Variants in FBXL20 observed in about 807,000 individuals in gnomAD.
FBXL20 encodes the protein F-box and leucine rich repeat protein 20, also known as F-box/LRR-repeat protein 20.
Under a neutral mutation model 64.0 loss-of-function variants are expected in FBXL20, and 11 were observed. That is an observed-to-expected ratio of 0.17 (90% CI 0.11 to 0.28). The LOEUF is 0.28. FBXL20 is among the 10% of genes least tolerant of loss of function. FBXL20 has a pLI of 1.00. For missense variants in FBXL20, 303 were observed against 526.2 expected (o/e 0.58, Z 4.15); for synonymous variants, 184 against 189.0 (o/e 0.97, Z 0.22).
intron 1 of FBXL20, among the ~76,000 whole-genome samples, chr17:39,352,935 A>G (rs1193094560): frequency 2.6e-5 from 4 of 152,140 alleles, no homozygotes; most frequent in African/African-American, 9.7e-5. Flanking sequence ...GTTGTAAGAA[A>G]AAGTGCCATG....
At chr17:39,378,158 T>C (rs1240134333) in intron 1 of FBXL20, among the ~76,000 whole-genome samples, 1 of 152,228 alleles carries the variant, frequency 6.6e-6, no homozygotes, top group Non-Finnish European at 1.5e-5. Flanking sequence ...GGGAATTGAA[T>C]GTGATTTCCA....
Position 39,287,078 on chromosome 17 carries a change from A to G in FBXL20, c.399-1505T>C, listed in dbSNP as rs1597776189. Among the ~76,000 whole-genome samples the G allele has an allele frequency of 2.0e-5, 3 of 151,346 alleles. No individual in the cohort carries two copies. In the South Asian group the frequency reaches 6.3e-4, roughly 32 times the overall value. ...CAGGCGCCTGCCACCATGCCCAGCT[A>G]ATTTTTCTATTTTTAGTAGAGACGG... is the stretch of plus-strand genomic sequence containing the variant. On this transcript the variant is annotated intron_variant, in intron 6 of 14. Coordinates refer to ENST00000264658, the MANE Select transcript of FBXL20 (RefSeq NM_032875.3).
intron 5 of FBXL20, among the ~76,000 whole-genome samples, chr17:39,297,675 C>T (rs969707363): frequency 1.3e-5 from 2 of 152,070 alleles, no homozygotes; most frequent in Non-Finnish European, 1.5e-5. Flanking sequence ...TACACCTCTT[C>T]ATATTCCTTC....
At position 39,297,981 on chromosome 17, in the gene FBXL20, C is replaced by T. The variant is rs373778683; in HGVS notation, c.330-786G>A. ...TGAACGCCTGACCTCAAGTGATCCA[C>T]CCACATCAGCCTTTCAAAGTGCTGA... On this transcript the variant is annotated intron_variant, in intron 5 of 14. Transcript: ENST00000264658. 5.9e-5 allele frequency among the ~76,000 whole-genome samples: 9 copies of T among 152,260 alleles called. No individual in the cohort carries two copies. The East Asian group carries it at 1.2e-3, about 20-fold the overall frequency.
intron 1 of FBXL20, among the ~76,000 whole-genome samples, chr17:39,387,051 G>A (rs912346186): frequency 6.6e-6 from 1 of 152,096 alleles, no homozygotes; most frequent in Non-Finnish European, 1.5e-5. Flanking sequence ...ACGTTACAAT[G>A]GTGTACACGT....
At chr17:39,332,892 C>A (rs1439038804) in intron 2 of FBXL20, among the ~76,000 whole-genome samples, 2 of 152,064 alleles carry the variant, frequency 1.3e-5, no homozygotes, top group Admixed American at 6.6e-5. Context: ...CATGATGAGT[C>A]CTGTGGATCC....
intron 1 of FBXL20, among the ~76,000 whole-genome samples, chr17:39,358,713 A>G (rs1052501261): frequency 6.6e-6 from 1 of 151,888 alleles, no homozygotes. Context: ...AAAACAAACA[A>G]AAAAAACACC....
In FBXL20 at chr17:39,265,193, T is replaced by C. The variant is rs894938003; in HGVS notation, c.990+204A>G. 2.6e-4 allele frequency among the ~76,000 whole-genome samples: 39 copies of C among 152,172 alleles called. 1 individual carries two copies. Among genetic ancestry groups the C allele is most frequent in the African/African-American group, 8.7e-4 (36 of 41,422 alleles). ...AAGGCAGTTTTCAGTCTTCAAGCAT[T>C]GATATAGAAAACATTTAACTTTTTC... is the stretch of plus-strand genomic sequence containing the variant. On this transcript the variant is annotated intron_variant, in intron 13 of 14. Coordinates refer to ENST00000264658, the MANE Select transcript of FBXL20 (RefSeq NM_032875.3).
At chr17:39,358,462 C>T (rs1486581272) in intron 1 of FBXL20, among the ~76,000 whole-genome samples, 1 of 152,140 alleles carries the variant, frequency 6.6e-6, no homozygotes, top group East Asian at 1.9e-4. Context: ...GTGGGTGGAT[C>T]ACTTGAAGTT....
chr17:39,262,925 C>T (rs1422322546), intron 14 of FBXL20, among the ~76,000 whole-genome samples: 2 of 151,832 alleles, frequency 1.3e-5, no homozygotes, highest in Non-Finnish European at 2.9e-5. Context: ...TAGCGTGAAC[C>T]TGGGAGGCAG....
chr17:39,298,796 GT>G (rs1191981215), intron 5 of FBXL20, among the ~76,000 whole-genome samples, 193 bp downstream of exon 5: 2 of 151,968 alleles, frequency 1.3e-5, no homozygotes, highest in African/African-American at 4.8e-5. Context: ...GGGAATCTGG[GT>G]TTTTTTCAGG....
intron 1 of FBXL20, among the ~76,000 whole-genome samples, chr17:39,385,058 C>G (rs914373698): frequency 1.3e-5 from 2 of 152,236 alleles, no homozygotes; most frequent in East Asian, 1.9e-4. Flanking sequence ...CAATGGCTCA[C>G]ACCTGTAATC....
intron 4 of FBXL20, among the ~76,000 whole-genome samples, 198 bp from the exon 5 acceptor site, chr17:39,299,282 C>G (rs182479701): frequency 8.5e-5 from 13 of 152,252 alleles, no homozygotes; most frequent in Non-Finnish European, 1.5e-4. Flanking sequence ...ACCCCATATT[C>G]TTATTTTGTT....
intron 1 of FBXL20, among the ~76,000 whole-genome samples, chr17:39,353,641 T>TATTTGAGACA (rs75340330): frequency 6.6e-6 from 1 of 151,024 alleles, no homozygotes; most frequent in Non-Finnish European, 1.5e-5. Flanking sequence ...TTTATTTATT[T>TATTTGAGACA]GAGACAGAGT....
intron 14 of FBXL20, among the ~76,000 whole-genome samples, chr17:39,262,516 G>A (rs1287877005): frequency 2.0e-5 from 3 of 151,942 alleles, no homozygotes; most frequent in Non-Finnish European, 4.4e-5. Flanking sequence ...CCTGACTTCA[G>A]GTGATCCTCA....
At chr17:39,365,282 C>T (rs1023810966) in intron 1 of FBXL20, among the ~76,000 whole-genome samples, 1 of 152,010 alleles carries the variant, frequency 6.6e-6, no homozygotes, top group Non-Finnish European at 1.5e-5. Context: ...TTTTCTTGCC[C>T]GAATCTAAAA....
chr17:39,402,063 A>G (rs2048253592), upstream of FBXL20: 1 of 994,604 alleles, frequency 1.0e-6, no homozygotes, highest in Admixed American at 4.3e-5. Context: ...CTGCCTGCAC[A>G]GAACCTCAGC....
intron 2 of FBXL20, among the ~76,000 whole-genome samples, chr17:39,325,430 C>G (rs986652925): frequency 6.6e-6 from 1 of 152,056 alleles, no homozygotes; most frequent in Non-Finnish European, 1.5e-5. Context: ...AACTAACCTT[C>G]CAGGTACAAT....
chr17:39,297,306 T>TA lies in FBXL20; in HGVS notation c.330-112dup, dbSNP rs551336352. On this transcript the variant is annotated intron_variant, in intron 5 of 14. Transcript: ENST00000264658. ...TAATATTGATTGTTGATATCTGTGA[T>TA]ACTGTGATATAAAGGAAAAACATGT... The TA allele has an allele frequency of 3.3e-4, 188 of 570,504 alleles. 2 individuals are homozygous for TA. In the East Asian group the frequency reaches 5.0e-3, roughly 15 times the overall value. The allele number at this position is 570,504 out of a possible 1,614,324, so 35.3% of individuals were successfully genotyped here. A position where few individuals can be genotyped will look rare whatever the true frequency, so the allele number is the denominator to read the frequency against.
Sources: allele counts gnomAD v4.1 joint callset (sites outside exome capture counted in the v4.1 genomes callset), GRCh38; gene constraint gnomAD v4.1.1; transcripts MANE v1.5; gene names NCBI Gene and HGNC (gene_info 2026-07-23, HGNC 2026-07-21).